CNIH3: variants seen among roughly 807,000 people sequenced by gnomAD.
CNIH3 encodes protein cornichon homolog 3.
CNIH3 carries 14 observed loss-of-function variants against 24.1 expected under a neutral mutation model. The ratio of observed to expected loss-of-function variants is 0.58; its 90% CI spans 0.38 to 0.91. The LOEUF (loss-of-function observed/expected upper bound fraction) is 0.91, where lower values mean the gene tolerates loss of function less well. Among genes scored for constraint, CNIH3 ranks in the 40% least tolerant of loss-of-function variants. CNIH3 has a pLI of 0.00. For missense variants in CNIH3, 178 were observed against 196.8 expected, an observed-to-expected ratio of 0.90 and a Z score of 0.57; for synonymous variants, 68 against 73.8, an observed-to-expected ratio of 0.92 and a Z score of 0.40.
At chr1:224,474,756 G>T (rs528774085) in intron 1 of CNIH3, among the ~76,000 whole-genome samples, 3 of 152,044 alleles carry the variant, frequency 2.0e-5, no homozygotes, top group Non-Finnish European at 4.4e-5. Context: ...AGCCCGGGCC[G>T]GTGGCTCACG....
Position 224,725,960 on chromosome 1 carries a change from A to G in CNIH3, c.199-4502A>G, listed in dbSNP as rs536326378. Among the ~76,000 whole-genome samples the G allele has an allele frequency of 5.3e-5, 8 of 152,354 alleles. No individual in the cohort carries two copies. The South Asian group carries it at 8.3e-4, about 16-fold the overall frequency. On this transcript the variant is annotated intron_variant, in intron 3 of 5. Transcript: ENST00000272133. Reference sequence around the variant, plus strand: ...TTTTCATAATCTATAAAGGGTACCAATCAGCTGCAGGTCATTGATGGGATA... The same window carrying G: ...TTTTCATAATCTATAAAGGGTACCAGTCAGCTGCAGGTCATTGATGGGATA...
rs536542405 is a variant in CNIH3 at position 224,478,985 on chromosome 1, A to G, written n.204-36756A>G. Among the ~76,000 whole-genome samples the G allele has an allele frequency of 5.3e-5, 8 of 152,074 alleles. No individual in the cohort carries two copies. The South Asian group carries it at 6.2e-4, about 12-fold the overall frequency. On this transcript the variant is annotated intron_variant and non_coding_transcript_variant, in intron 1 of 5. Transcript: ENST00000471578. ...GGGAAAGACCTGCCCGCATGATTCAATTACCTCCCACTGGATCCCTCCTAC... is the reference window on the plus strand; with the variant it reads ...GGGAAAGACCTGCCCGCATGATTCAGTTACCTCCCACTGGATCCCTCCTAC...
intron 1 of CNIH3, among the ~76,000 whole-genome samples, chr1:224,454,787 A>G (rs1675576994): frequency 6.6e-6 from 1 of 152,158 alleles, no homozygotes; most frequent in African/African-American, 2.4e-5. Flanking sequence ...GGCTGAGTGC[A>G]GGGCTTGGAG....
At chr1:224,597,041 A>G (rs1682010947) in intron 3 of CNIH3, among the ~76,000 whole-genome samples, 1 of 152,130 alleles carries the variant, frequency 6.6e-6, no homozygotes, top group Admixed American at 6.5e-5. Flanking sequence ...AATCCCAGCT[A>G]CTTGGGATGC....
At chr1:224,524,845 T>C (rs984650238) in intron 2 of CNIH3, among the ~76,000 whole-genome samples, 9 of 152,140 alleles carry the variant, frequency 5.9e-5, no homozygotes, top group African/African-American at 2.2e-4. Context: ...ATCACAGTGG[T>C]TGATTCAGAG....
At chr1:224,601,884 C>T (rs1186127499) in intron 3 of CNIH3, among the ~76,000 whole-genome samples, 1 of 152,120 alleles carries the variant, frequency 6.6e-6, no homozygotes, top group Non-Finnish European at 1.5e-5. Context: ...TGACTTAGTG[C>T]CAAATTAAAA....
intron 1 of CNIH3, among the ~76,000 whole-genome samples, chr1:224,660,466 T>C (rs1685296139): frequency 6.6e-6 from 1 of 152,206 alleles, no homozygotes; most frequent in Admixed American, 6.5e-5. Context: ...AAAATTATTA[T>C]TTTTCTCAAT....
intron 3 of CNIH3, among the ~76,000 whole-genome samples, chr1:224,726,306 C>T (rs1689020610): frequency 6.6e-6 from 1 of 152,162 alleles, no homozygotes; most frequent in Admixed American, 6.5e-5. Context: ...AAGAAGGAGT[C>T]AGAGATGGTA....
chr1:224,435,070 C>T (rs1674587597), intron 1 of CNIH3: 14 of 985,650 alleles, frequency 1.4e-5, no homozygotes, highest in Non-Finnish European at 1.6e-5. Flanking sequence ...TCGTAGCCGC[C>T]CTCCGAAGCC....
intron 1 of CNIH3, among the ~76,000 whole-genome samples, chr1:224,646,973 T>C (rs567692965): frequency 6.6e-6 from 1 of 152,268 alleles, no homozygotes; most frequent in South Asian, 2.1e-4. Context: ...GTCACACACA[T>C]GGCCCCGTCA....
At chr1:224,454,690 C>A (rs2102971575) in intron 1 of CNIH3, among the ~76,000 whole-genome samples, 1 of 152,264 alleles carries the variant, frequency 6.6e-6, no homozygotes, top group Non-Finnish European at 1.5e-5. Flanking sequence ...GTGTTCACAT[C>A]AATGATTTCC....
intron 1 of CNIH3, among the ~76,000 whole-genome samples, chr1:224,465,058 T>G (rs1449372304): frequency 1.3e-5 from 2 of 152,096 alleles, no homozygotes; most frequent in Admixed American, 6.6e-5. Context: ...CCACCTAAAG[T>G]GCTGAGATTA....
At chr1:224,453,727 G>A (rs1055148401) in intron 1 of CNIH3, among the ~76,000 whole-genome samples, 13 of 151,786 alleles carry the variant, frequency 8.6e-5, no homozygotes, top group Non-Finnish European at 1.3e-4. Flanking sequence ...GTGTACTACA[G>A]CCTCAAAATT....
intron 1 of CNIH3, among the ~76,000 whole-genome samples, chr1:224,485,957 A>G (rs2405028): frequency 0.83 from 126,578 of 152,030 alleles, 53,141 homozygotes; most frequent in East Asian, 0.97. Context: ...TAGGGAATGC[A>G]CAACTTTTTT....
At chr1:224,605,630 G>A (rs1682384799) in intron 3 of CNIH3, among the ~76,000 whole-genome samples, 1 of 152,002 alleles carries the variant, frequency 6.6e-6, no homozygotes, top group Admixed American at 6.6e-5. Context: ...AACTAAGATG[G>A]CCTTTTGAGA....
chr1:224,558,112 C>G lies in CNIH3; in HGVS notation n.451-8087C>G, dbSNP rs915381091. ...TGGGAAGTTCTTCTGCCAGTCTTGCCTGGAGTCACTCATGTGGCTGTAGCC... is the reference window on the plus strand; with the variant it reads ...TGGGAAGTTCTTCTGCCAGTCTTGCGTGGAGTCACTCATGTGGCTGTAGCC... On this transcript the variant is annotated intron_variant and non_coding_transcript_variant, in intron 3 of 5. Coordinates refer to the CNIH3 transcript ENST00000471578. 3.9e-5 allele frequency among the ~76,000 whole-genome samples: 6 copies of G among 152,270 alleles called. No homozygotes were observed. In the South Asian group the frequency reaches 6.2e-4, roughly 16 times the overall value.
chr1:224,628,569 CA>C (rs1683658904), intron 1 of CNIH3, among the ~76,000 whole-genome samples: 1 of 152,140 alleles, frequency 6.6e-6, no homozygotes, highest in African/African-American at 2.4e-5. Context: ...TTTTACTCAG[CA>C]TAATGTCTTC....
rs1681541189 is a variant in CNIH3 at position 224,587,040 on chromosome 1, A to G, written n.621-1321A>G. 3 of 152,238 alleles carry G rather than the reference A, an allele frequency of 2.0e-5. No homozygotes were observed. In the South Asian group the frequency reaches 6.2e-4, roughly 32 times the overall value. The allele number at this position is 152,238 out of a possible 1,614,324, so 9.4% of individuals were successfully genotyped here. ...GTTTGGAGCCACCCAGTTAGTGGTAATTTGTTGCAACAGCCCTAGAAAGTG... is the reference window on the plus strand; with the variant it reads ...GTTTGGAGCCACCCAGTTAGTGGTAGTTTGTTGCAACAGCCCTAGAAAGTG... On this transcript the variant is annotated intron_variant and non_coding_transcript_variant, in intron 5 of 5. Coordinates refer to the CNIH3 transcript ENST00000471578.
In CNIH3 at chr1:224,704,936, C is replaced by G. The variant is rs1296234518; in HGVS notation, c.198+20093C>G. Among the ~76,000 whole-genome samples, 1 of 151,954 alleles carries G rather than the reference C, an allele frequency of 6.6e-6. No individual in the cohort carries two copies. The highest frequency in any genetic ancestry group is 1.5e-5 in the Non-Finnish European group (1 of 67,996). On this transcript the variant is annotated intron_variant, in intron 3 of 5. Coordinates refer to ENST00000272133, the MANE Select transcript of CNIH3 (RefSeq NM_152495.2). This position sits in a 1 kb window ranked among gnomAD's most constrained non-coding sequence, Gnocchi z 4.2. ...ACCAGCCTGACCAATGTGATGAAACCCCGTCTCTAGTAAAAAATACAAAAA... is the reference window on the plus strand; with the variant it reads ...ACCAGCCTGACCAATGTGATGAAACGCCGTCTCTAGTAAAAAATACAAAAA...
Sources: allele counts gnomAD v4.1 joint callset (sites outside exome capture counted in the v4.1 genomes callset), GRCh38; gene constraint gnomAD v4.1.1; non-coding constraint Gnocchi (gnomAD v3.1); transcripts MANE v1.5; gene names NCBI Gene and HGNC (gene_info 2026-07-23, HGNC 2026-07-21).